BCAS1: variants seen among roughly 807,000 people sequenced by gnomAD.
The protein encoded by BCAS1 is breast carcinoma-amplified sequence 1.
In BCAS1, 46 loss-of-function variants were observed where a neutral mutation model predicts 65.4. The ratio of observed to expected loss-of-function variants is 0.70; its 90% CI spans 0.55 to 0.90. The LOEUF (loss-of-function observed/expected upper bound fraction) is 0.90, where lower values mean the gene tolerates loss of function less well. Among genes scored for constraint, BCAS1 ranks in the 40% least tolerant of loss-of-function variants. BCAS1 has a pLI of 0.00. For missense variants in BCAS1, 793 were observed against 771.2 expected (o/e 1.03, Z -0.33); for synonymous variants, 298 against 293.5 (o/e 1.02, Z -0.16).
In BCAS1 at chr20:53,992,582, C is replaced by T. The variant is rs751616510; in HGVS notation, c.992G>A (p.Arg331Lys). Residue 331 changes from arginine to lysine, a missense_variant, in exon 7 of 13, where the codon AGA becomes AAA. Coordinates refer to ENST00000688948, the MANE Select transcript of BCAS1 (RefSeq NM_001366298.2). ...ATCCAGGTGCTTTTTCTTGGTGCCT[C>T]TAGCCTGGATCTCGGATGTCTTCTG... ...AGQKTSEIQA[R>K]GTKKKHLDSP... 52 of 1,365,692 alleles carry T rather than the reference C, an allele frequency of 3.8e-5. No homozygotes were observed. The highest frequency in any genetic ancestry group is 7.4e-5 in the African/African-American group (5 of 67,474). 84.6% of individuals were successfully genotyped at this position (1,365,692 alleles called of 1,614,324 possible). A position where few individuals can be genotyped will look rare whatever the true frequency, so the allele number is the denominator to read the frequency against.
chr20:54,029,415 C>T (rs67082409), intron 3 of BCAS1, among the ~76,000 whole-genome samples: 26,254 of 152,116 alleles, frequency 0.17, 2,375 homozygotes, highest in East Asian at 0.3. Flanking sequence ...AGGCTCATCC[C>T]GTGCCTCATA....
intron 7 of BCAS1, among the ~76,000 whole-genome samples, chr20:53,991,957 G>C (rs918860947): frequency 1.3e-5 from 2 of 152,142 alleles, no homozygotes; most frequent in Admixed American, 1.3e-4. Flanking sequence ...TCAGTCTGGT[G>C]ATGGTACATC....
chr20:54,047,993 T>G (rs1348200482), intron 3 of BCAS1, among the ~76,000 whole-genome samples: 4 of 152,156 alleles, frequency 2.6e-5, no homozygotes, highest in African/African-American at 9.7e-5. Context: ...TGCAGTTACA[T>G]CCATAGTTGA....
At chr20:53,997,870 G>A (rs568729283) in intron 4 of BCAS1, among the ~76,000 whole-genome samples, 4 of 152,152 alleles carry the variant, frequency 2.6e-5, no homozygotes, top group African/African-American at 7.2e-5. Flanking sequence ...TCACCTGCTG[G>A]TTGAGCATCG....
At chr20:53,998,352 A>G (rs2090972625) in intron 4 of BCAS1, among the ~76,000 whole-genome samples, 1 of 152,210 alleles carries the variant, frequency 6.6e-6, no homozygotes, top group Non-Finnish European at 1.5e-5. Flanking sequence ...TCATTGGCTC[A>G]CAGTTCTGCA....
chr20:53,975,661 A>C (rs747727143), intron 8 of BCAS1, among the ~76,000 whole-genome samples: 1 of 152,130 alleles, frequency 6.6e-6, no homozygotes, highest in Non-Finnish European at 1.5e-5. Flanking sequence ...ATTAAAACAC[A>C]GATGCAGCCA....
intron 9 of BCAS1, among the ~76,000 whole-genome samples, chr20:53,972,530 C>T (rs946837675): frequency 6.6e-6 from 1 of 152,176 alleles, no homozygotes; most frequent in African/African-American, 2.4e-5. Context: ...ACAAAGCAGC[C>T]ATAGATGATA....
chr20:53,988,464 A>G (rs761758150), intron 7 of BCAS1, among the ~76,000 whole-genome samples: 2 of 152,204 alleles, frequency 1.3e-5, no homozygotes, highest in Non-Finnish European at 2.9e-5. Context: ...TGTTTTAAGC[A>G]CCTGAATGTC....
chr20:54,066,636 G>A (rs2146382036), intron 1 of BCAS1, among the ~76,000 whole-genome samples: 1 of 152,218 alleles, frequency 6.6e-6, no homozygotes, highest in East Asian at 1.9e-4. Context: ...AGCTCTCTCT[G>A]TCTCTCTCTC....
intron 1 of BCAS1, among the ~76,000 whole-genome samples, chr20:54,067,655 G>T (rs2092460774): frequency 6.6e-6 from 1 of 152,172 alleles, no homozygotes; most frequent in Admixed American, 6.5e-5. Flanking sequence ...TTAATAATAG[G>T]CCCTCCTCCT....
rs759717852 is a variant in BCAS1, at chr20:53,992,646, C to G, written c.928G>C (p.Ala310Pro). The G allele has an allele frequency of 1.3e-5, 18 of 1,365,836 alleles. No individual in the cohort carries two copies. In the East Asian group the frequency reaches 7.3e-4, roughly 55 times the overall value. The allele number at this position is 1,365,836 out of a possible 1,614,324, so 84.6% of individuals were successfully genotyped here. ...TCACAGACACTTTCTGCTTTCGATG[C>G]CTTTGGGGCAACAGCAGTCACAACC... ...AETKKDPEDT[A>P]SKAESVCDGQ... The change falls in exon 7 of 13, where the codon GCA (alanine) becomes CCA (proline). Residue 310 changes from alanine (A) to proline (P), a missense_variant and splice_region_variant. Ala to Pro is a conservative substitution (Grantham distance 27). Transcript: ENST00000688948.
At chr20:54,009,876 C>T (rs1460379001) in intron 4 of BCAS1, among the ~76,000 whole-genome samples, 2 of 152,094 alleles carry the variant, frequency 1.3e-5, no homozygotes, top group South Asian at 2.1e-4. Context: ...AAGAAGTATA[C>T]ATCATAACCA....
rs149118501 is a variant in BCAS1 at position 54,069,471 on chromosome 20, C to T, written c.-6+962G>A. ...GAGTTTTTTGGCATCCCTTACATTT[C>T]GTGCCCAAGGTGAGAGTCTCACTGG... is the stretch of plus-strand genomic sequence containing the variant. On this transcript the variant is annotated intron_variant, in intron 1 of 12. Transcript: ENST00000688948. Among the ~76,000 whole-genome samples the T allele has an allele frequency of 6.8e-4, 103 of 152,298 alleles. 1 individual carries two copies. The highest frequency in any genetic ancestry group is 2.3e-3 in the African/African-American group (95 of 41,554).
intron 4 of BCAS1, among the ~76,000 whole-genome samples, chr20:54,025,327 G>A (rs2091647865): frequency 6.6e-6 from 1 of 152,000 alleles, no homozygotes; most frequent in African/African-American, 2.4e-5. Flanking sequence ...CAGTTGTTGT[G>A]GGGAGAGGAA....
intron 8 of BCAS1, among the ~76,000 whole-genome samples, chr20:53,975,697 G>A (rs2090315327): frequency 1.3e-5 from 2 of 151,956 alleles, no homozygotes; most frequent in Admixed American, 6.6e-5. Flanking sequence ...AAGCAGAAGC[G>A]TTGTCACAGA....
Position 54,034,536 on chromosome 20 carries a change from G to A in BCAS1, c.143-5564C>T, listed in dbSNP as rs562230765. On this transcript the variant is annotated intron_variant, in intron 3 of 12. Coordinates refer to ENST00000688948, the MANE Select transcript of BCAS1 (RefSeq NM_001366298.2). ...CAGGAATGCACTCCCACTCACAATC[G>A]CCACAAAAAGAGTAAAATACCTAGG... Among the ~76,000 whole-genome samples, 20 of 151,032 alleles carry A rather than the reference G, an allele frequency of 1.3e-4. 2 individuals carry two copies. The highest frequency in any genetic ancestry group is 7.7e-4 in the East Asian group (4 of 5,172).
chr20:54,034,861 A>T (rs1440288705), intron 3 of BCAS1, among the ~76,000 whole-genome samples: 1 of 151,440 alleles, frequency 6.6e-6, no homozygotes, highest in Non-Finnish European at 1.5e-5. Context: ...AGCTGAAGGC[A>T]TCATGCTACC....
chr20:53,995,566 C>T (rs1033288578), intron 5 of BCAS1, among the ~76,000 whole-genome samples: 1 of 151,194 alleles, frequency 6.6e-6, no homozygotes, highest in Non-Finnish European at 1.5e-5. Context: ...ATGTCCACAA[C>T]ACAGGGAGAT....
At chr20:54,016,169 C>T (rs2091434322) in intron 4 of BCAS1, among the ~76,000 whole-genome samples, 1 of 152,158 alleles carries the variant, frequency 6.6e-6, no homozygotes, top group Admixed American at 6.5e-5. Context: ...TTTTATGTCA[C>T]CCTCGTTTAC....
Sources: gnomAD v4.1 joint callset for allele counts (sites outside exome capture counted in the v4.1 genomes callset) on GRCh38, gnomAD v4.1.1 for gene constraint, MANE v1.5 for transcripts, NCBI Gene and HGNC (gene_info 2026-07-23, HGNC 2026-07-21) for gene names.